The following CCDC3 variants were observed in gnomAD, a reference collection of about 807,000 sequenced individuals.
CCDC3 encodes coiled-coil domain containing 3.
In CCDC3, 24 loss-of-function variants were observed where a neutral mutation model predicts 21.4. That is an observed-to-expected ratio of 1.12 (90% CI 0.81 to 1.58). CCDC3 has a LOEUF of 1.58. CCDC3 is among the 40% of genes most tolerant of loss of function. CCDC3 has a pLI of 0.00. For missense variants in CCDC3, 425 were observed against 360.9 expected, an observed-to-expected ratio of 1.18 and a Z score of -1.44; for synonymous variants, 186 against 166.0, an observed-to-expected ratio of 1.12 and a Z score of -0.93.
chr10:12,983,299 G>A (rs1339939879), intron 2 of CCDC3, among the ~76,000 whole-genome samples: 1 of 150,556 alleles, frequency 6.6e-6, no homozygotes, highest in African/African-American at 2.4e-5. Flanking sequence ...ACAGCAGGGA[G>A]TGGTGGCTCA....
chr10:12,997,735 G>C (rs1325179479), intron 2 of CCDC3, among the ~76,000 whole-genome samples: 1 of 152,048 alleles, frequency 6.6e-6, no homozygotes, highest in Non-Finnish European at 1.5e-5. Context: ...CACATGTATT[G>C]AGCACTTACT....
Position 12,916,669 on chromosome 10 carries a change from C to G in CCDC3, c.550-17990G>C, listed in dbSNP as rs980106829. 3.8e-4 allele frequency among the ~76,000 whole-genome samples: 57 copies of G among 151,636 alleles called. 1 individual carries two copies. Among genetic ancestry groups the G allele is most frequent in the Admixed American group, 3.9e-4 (6 of 15,218 alleles). On this transcript the variant is annotated intron_variant, in intron 2 of 2. Transcript: ENST00000378825. ...TGGGGCCAGGGGTGCCAACCTGGTACTATGGCGGGCTCAAAGCCTGGAGCC... is the reference window on the plus strand; with the variant it reads ...TGGGGCCAGGGGTGCCAACCTGGTAGTATGGCGGGCTCAAAGCCTGGAGCC...
chr10:12,982,035 T>A (rs11594710), intron 2 of CCDC3, among the ~76,000 whole-genome samples: 1 of 145,542 alleles, frequency 6.9e-6, no homozygotes, highest in African/African-American at 2.6e-5. Context: ...CGCAGGAGAA[T>A]TGCTTGAACT....
intron 2 of CCDC3, among the ~76,000 whole-genome samples, chr10:12,988,634 G>A (rs752123644): frequency 3.3e-5 from 5 of 152,030 alleles, no homozygotes; most frequent in Non-Finnish European, 7.4e-5. Flanking sequence ...ATGAGCCACC[G>A]CGCCCCACCT....
chr10:12,988,663 G>C (rs1367833314), intron 2 of CCDC3, among the ~76,000 whole-genome samples: 1 of 151,924 alleles, frequency 6.6e-6, no homozygotes, highest in Non-Finnish European at 1.5e-5. Flanking sequence ...TTAATTCTTG[G>C]CCAAACACCT....
At chr10:13,075,938 C>A (rs1323321691) in intron 3 of CCDC3, among the ~76,000 whole-genome samples, 1 of 152,142 alleles carries the variant, frequency 6.6e-6, no homozygotes, top group African/African-American at 2.4e-5. Context: ...TGGCATGTGC[C>A]TGTAATCCCA....
chr10:13,067,667 G>A (rs1836838274), intron 4 of CCDC3, among the ~76,000 whole-genome samples: 1 of 151,986 alleles, frequency 6.6e-6, no homozygotes, highest in Non-Finnish European at 1.5e-5. Context: ...CCTGGCTTAG[G>A]GAATAAGTCC....
intron 5 of CCDC3, among the ~76,000 whole-genome samples, chr10:13,043,330 G>A (rs926206604): frequency 6.6e-6 from 1 of 152,258 alleles, no homozygotes; most frequent in South Asian, 2.1e-4. Flanking sequence ...GGTGGCTCAC[G>A]CCTGTAATCC....
intron 4 of CCDC3, among the ~76,000 whole-genome samples, chr10:13,058,892 C>T (rs778829076): frequency 5.3e-5 from 8 of 152,196 alleles, no homozygotes; most frequent in African/African-American, 1.9e-4. Context: ...TCATACACTA[C>T]GGCGCATCCA....
intron 2 of CCDC3, among the ~76,000 whole-genome samples, chr10:12,997,925 A>T (rs368032971): frequency 1.3e-5 from 2 of 152,336 alleles, no homozygotes; most frequent in African/African-American, 4.8e-5. Context: ...AAGCAAAAAA[A>T]AATTGCAGAA....
At chr10:13,032,180 G>A (rs1836313816) in intron 5 of CCDC3, among the ~76,000 whole-genome samples, 2 of 52,836 alleles carry the variant, frequency 3.8e-5, no homozygotes, top group African/African-American at 8.1e-5. Flanking sequence ...TGCAAGGCTG[G>A]TTGAAACATA....
intron 5 of CCDC3, among the ~76,000 whole-genome samples, chr10:13,040,012 A>G (rs1027131747): frequency 6.6e-6 from 1 of 151,984 alleles, no homozygotes; most frequent in African/African-American, 2.4e-5. Context: ...TTGATAGTCT[A>G]TGAATATCTG....
chr10:13,094,424 T>C (rs1027794332), intron 3 of CCDC3, among the ~76,000 whole-genome samples: 1 of 151,988 alleles, frequency 6.6e-6, no homozygotes, highest in Admixed American at 6.6e-5. Flanking sequence ...GCCCAGCTAA[T>C]TTTTGTTTTT....
intron 2 of CCDC3, among the ~76,000 whole-genome samples, chr10:12,923,545 C>A (rs2131219007): frequency 6.6e-6 from 1 of 152,292 alleles, no homozygotes; most frequent in Non-Finnish European, 1.5e-5. Context: ...CCTCCTATGG[C>A]TCTTGGAACC....
At chr10:12,954,864 A>G (rs1365109885) in intron 2 of CCDC3, among the ~76,000 whole-genome samples, 2 of 152,226 alleles carry the variant, frequency 1.3e-5, no homozygotes, top group Non-Finnish European at 2.9e-5. Flanking sequence ...CAATGATTCA[A>G]AATGACTTAT....
intron 2 of CCDC3, among the ~76,000 whole-genome samples, chr10:12,975,547 G>T (rs1411567084): frequency 1.3e-5 from 2 of 152,172 alleles, no homozygotes; most frequent in African/African-American, 4.8e-5. Context: ...CCCCTGCTCC[G>T]GTTCCAGGAC....
chr10:12,929,865 T>C (rs1834612594), intron 2 of CCDC3, among the ~76,000 whole-genome samples: 1 of 152,208 alleles, frequency 6.6e-6, no homozygotes, highest in African/African-American at 2.4e-5. Context: ...GGTAAAATGC[T>C]GTACCAAAGC....
intron 2 of CCDC3, among the ~76,000 whole-genome samples, chr10:12,935,882 T>C (rs1032592845): frequency 1.3e-5 from 2 of 152,200 alleles, no homozygotes; most frequent in Non-Finnish European, 2.9e-5. Flanking sequence ...GTGGTACAAG[T>C]ACCTTATAAT....
At chr10:12,916,604 A>G (rs1357011667) in intron 2 of CCDC3, among the ~76,000 whole-genome samples, 3 of 137,566 alleles carry the variant, frequency 2.2e-5, no homozygotes, top group African/African-American at 8.3e-5. Context: ...TGGGTGACAG[A>G]GAGAGACTCC....
Sources: allele counts gnomAD v4.1 joint callset (sites outside exome capture counted in the v4.1 genomes callset), GRCh38; gene constraint gnomAD v4.1.1; transcripts MANE v1.5; gene names NCBI Gene and HGNC (gene_info 2026-07-23, HGNC 2026-07-21).